CDK5RAP2: variants seen among roughly 807,000 people sequenced by gnomAD.
CDK5RAP2 encodes CDK5 regulatory subunit-associated protein 2.
A neutral mutation model predicts 232.9 loss-of-function variants in CDK5RAP2; 147 were observed. The ratio of observed to expected loss-of-function variants is 0.63; its 90% confidence interval spans 0.55 to 0.72. The LOEUF (loss-of-function observed/expected upper bound fraction) is 0.72. CDK5RAP2 is among the 30% of genes least tolerant of loss of function. The pLI is 0.00. For synonymous variants in CDK5RAP2, 833 were observed against 833.7 expected, an observed-to-expected ratio of 1.00 and a Z score of 0.01; for missense variants, 2,195 against 2,231.5, an observed-to-expected ratio of 0.98 and a Z score of 0.33.
At chr9:120,485,589 C>T (rs2038558351) in intron 14 of CDK5RAP2, among the ~76,000 whole-genome samples, 1 of 152,134 alleles carries the variant, frequency 6.6e-6, no homozygotes, top group Non-Finnish European at 1.5e-5. Context: ...TTTTACATGA[C>T]TAAAATGTGA....
intron 12 of CDK5RAP2, among the ~76,000 whole-genome samples, chr9:120,499,529 AG>A (rs2039477670): frequency 6.6e-6 from 1 of 152,196 alleles, no homozygotes; most frequent in African/African-American, 2.4e-5. Flanking sequence ...TAATTGGTAA[AG>A]TAACATTTTT....
chr9:120,389,173 G>T lies in CDK5RAP2; in HGVS notation c.*63C>A. ...TCCTCAATAAATAGGAACCACACTTGGAACAAAGAGACAGCGTGAGCTCGG... is the reference window on the plus strand; with the variant it reads ...TCCTCAATAAATAGGAACCACACTTTGAACAAAGAGACAGCGTGAGCTCGG... On this transcript the variant is annotated 3_prime_UTR_variant, in exon 38 of 38. Coordinates refer to ENST00000349780, the MANE Select transcript of CDK5RAP2 (RefSeq NM_018249.6). The T allele has an allele frequency of 1.5e-6, 2 of 1,350,276 alleles. No individual in the cohort carries two copies. The highest frequency in any genetic ancestry group is 2.1e-6 in the Non-Finnish European group (2 of 950,228). The allele number at this position is 1,350,276 out of a possible 1,614,324, so 83.6% of individuals were successfully genotyped here. A position where few individuals can be genotyped will look rare whatever the true frequency, so the allele number is the denominator to read the frequency against.
intron 6 of CDK5RAP2, 62 bp from the exon 7 acceptor site, chr9:120,536,588 G>C: frequency 6.9e-7 from 1 of 1,452,306 alleles, no homozygotes; most frequent in Non-Finnish European, 9.5e-7. Context: ...ATTTTGAAAG[G>C]AAATTGGATT....
intron 14 of CDK5RAP2, among the ~76,000 whole-genome samples, chr9:120,482,597 C>A (rs1418484037): frequency 6.6e-6 from 1 of 152,196 alleles, no homozygotes; most frequent in Admixed American, 6.5e-5. Flanking sequence ...GATAAAGATG[C>A]CCTCCTCCAG....
chr9:120,580,075 C>G lies in CDK5RAP2; in HGVS notation c.-97G>C, dbSNP rs2043189670. 2.7e-6 allele frequency: 2 copies of G among 738,742 alleles called. No homozygotes were observed. The highest frequency in any genetic ancestry group is 4.8e-6 in the Non-Finnish European group (2 of 414,584). 45.8% of individuals were successfully genotyped at this position (738,742 alleles called of 1,614,324 possible). ...GCCGGGCTCCCCAGGTCCCCGCCCC[C>G]TCCACCCCAGCTCTTGTTCAGACTC... On this transcript the variant is annotated 5_prime_UTR_variant, in exon 1 of 38. Coordinates refer to ENST00000349780, the MANE Select transcript of CDK5RAP2 (RefSeq NM_018249.6).
intron 36 of CDK5RAP2, among the ~76,000 whole-genome samples, chr9:120,393,135 C>T (rs902150452): frequency 3.5e-5 from 5 of 141,050 alleles, no homozygotes; most frequent in Non-Finnish European, 7.7e-5. Flanking sequence ...CCTGCCCCTT[C>T]GCTGACAAAT....
rs369158130 is a variant in CDK5RAP2, at chr9:120,545,792, T to C, written c.307-2A>G. 4 of 1,611,258 alleles carry C rather than the reference T, an allele frequency of 2.5e-6. No individual in the cohort carries two copies. The highest frequency in any genetic ancestry group is 1.7e-6 in the Non-Finnish European group (2 of 1,177,570). On this transcript the variant is annotated splice_acceptor_variant, in intron 4 of 37. Transcript: ENST00000349780. LOFTEE classifies it high-confidence loss of function. Reference sequence around the variant, plus strand: ...TACTTCCACCTTGAGCTCAATGTTCTACAAAACAAGATTAAGAAAGAAAAG... The same window carrying C: ...TACTTCCACCTTGAGCTCAATGTTCCACAAAACAAGATTAAGAAAGAAAAG...
chr9:120,533,057 G>C (rs936219646), intron 7 of CDK5RAP2, among the ~76,000 whole-genome samples: 1 of 152,094 alleles, frequency 6.6e-6, no homozygotes, highest in Non-Finnish European at 1.5e-5. Context: ...CACCCAACTC[G>C]CAGGACTCCT....
intron 22 of CDK5RAP2, among the ~76,000 whole-genome samples, chr9:120,444,000 G>A (rs1020832168): frequency 2.0e-5 from 3 of 152,186 alleles, no homozygotes; most frequent in African/African-American, 4.8e-5. Flanking sequence ...CTATCAATTC[G>A]TGCCCATTTT....
At chr9:120,463,455 A>G (rs754709883) in intron 18 of CDK5RAP2, among the ~76,000 whole-genome samples, 2 of 152,160 alleles carry the variant, frequency 1.3e-5, no homozygotes, top group African/African-American at 4.8e-5. Flanking sequence ...CCTCTCTCCA[A>G]GCTTCTGCAA....
chr9:120,427,328 C>T (rs2034975053), intron 25 of CDK5RAP2, among the ~76,000 whole-genome samples: 1 of 152,170 alleles, frequency 6.6e-6, no homozygotes, highest in African/African-American at 2.4e-5. Context: ...CATTCAATGC[C>T]GTCCTGGGCT....
intron 20 of CDK5RAP2, among the ~76,000 whole-genome samples, chr9:120,456,218 A>T (rs559167164): frequency 6.6e-6 from 1 of 152,222 alleles, no homozygotes; most frequent in Non-Finnish European, 1.5e-5. Flanking sequence ...GGTCTGGGTG[A>T]GGTGGTGGCA....
Position 120,403,105 on chromosome 9 carries a change from T to A in CDK5RAP2, c.5042-34A>T. 1 of 1,611,112 alleles carries A rather than the reference T, an allele frequency of 6.2e-7. No individual in the cohort carries two copies. The highest frequency in any genetic ancestry group is 8.5e-7 in the Non-Finnish European group (1 of 1,177,418). On this transcript the variant is annotated intron_variant, in intron 33 of 37. Transcript: ENST00000349780. The surrounding 1 kb of genome is among the most constrained non-coding windows in gnomAD (Gnocchi z 4.2). Reference sequence around the variant, plus strand: ...TGAGAAGTAGGATGTAAAATCTGTTTCAGGTAACACTCTGCGTTCAAGACG... The same window carrying A: ...TGAGAAGTAGGATGTAAAATCTGTTACAGGTAACACTCTGCGTTCAAGACG...
In CDK5RAP2 at chr9:120,558,854, A is replaced by G. The variant is rs138313522; in HGVS notation, c.196-7952T>C. ...TACTTTCTTGCTAGAATTTTTCACA[A>G]TCTGTATATGTTTCATCTCTTTGCA... On this transcript the variant is annotated intron_variant, in intron 3 of 37. Transcript: ENST00000349780. Among the ~76,000 whole-genome samples, 766 of 152,214 alleles carry G rather than the reference A, an allele frequency of 5.0e-3. 11 individuals carry two copies. Among genetic ancestry groups the G allele is most frequent in the African/African-American group, 0.018 (734 of 41,516 alleles).
chr9:120,479,853 G>A (rs2038210497), intron 14 of CDK5RAP2, among the ~76,000 whole-genome samples: 1 of 152,132 alleles, frequency 6.6e-6, no homozygotes, highest in African/African-American at 2.4e-5. Flanking sequence ...GGATTAGAAG[G>A]TAGCAATGAA....
At chr9:120,481,615 C>T (rs1438918458) in intron 14 of CDK5RAP2, among the ~76,000 whole-genome samples, 3 of 151,160 alleles carry the variant, frequency 2.0e-5, no homozygotes. Context: ...CAGGTTCAAG[C>T]AATTCTCCTG....
At chr9:120,484,154 G>C (rs929679825) in intron 14 of CDK5RAP2, among the ~76,000 whole-genome samples, 8 of 152,178 alleles carry the variant, frequency 5.3e-5, no homozygotes, top group African/African-American at 1.9e-4. Flanking sequence ...AGAGTCTATG[G>C]AGACATGATC....
At chr9:120,448,735 C>A (rs527554045) in intron 21 of CDK5RAP2, among the ~76,000 whole-genome samples, 72 of 152,320 alleles carry the variant, frequency 4.7e-4, no homozygotes, top group African/African-American at 1.6e-3. Flanking sequence ...ATTTACTACA[C>A]AATCTAGAAC....
intron 23 of CDK5RAP2, among the ~76,000 whole-genome samples, chr9:120,441,643 A>C (rs1200160088): frequency 6.6e-6 from 1 of 152,186 alleles, no homozygotes; most frequent in African/African-American, 2.4e-5. Context: ...TCCTCATCAG[A>C]CTGCATGTCC....
Sources: allele counts gnomAD v4.1 joint callset (sites outside exome capture counted in the v4.1 genomes callset), GRCh38; gene constraint gnomAD v4.1.1; non-coding constraint Gnocchi (gnomAD v3.1); transcripts MANE v1.5; gene names NCBI Gene and HGNC (gene_info 2026-07-23, HGNC 2026-07-21).